ZNF536: variants seen among roughly 807,000 people sequenced by gnomAD.
ZNF536 encodes the protein zinc finger protein 536.
ZNF536 carries 13 observed loss-of-function variants against 84.5 expected under a neutral mutation model. That is an observed-to-expected ratio of 0.15 (90% CI 0.10 to 0.24). The LOEUF (loss-of-function observed/expected upper bound fraction) is 0.24. Among genes scored for constraint, ZNF536 ranks in the 10% least tolerant of loss-of-function variants. The pLI is 1.00. For synonymous variants in ZNF536, 811 were observed against 742.5 expected (o/e 1.09, Z -1.50); for missense variants, 1,536 against 1,747.5 (o/e 0.88, Z 2.16).
At chr19:30,655,235 T>G (rs976125524) in intron 1 of ZNF536, among the ~76,000 whole-genome samples, 11 of 151,296 alleles carry the variant, frequency 7.3e-5, no homozygotes, top group Non-Finnish European at 1.3e-4. Context: ...TTGTAGAGTA[T>G]TGCAATGACA....
chr19:30,555,438 T>G (rs760726061), intron 4 of ZNF536: 2 of 152,216 alleles, frequency 1.3e-5, no homozygotes, highest in Non-Finnish European at 1.5e-5. Context: ...ACTTCTGCCG[T>G]GATGCATGGT....
At chr19:30,610,193 A>G (rs1432399865) in intron 1 of ZNF536, among the ~76,000 whole-genome samples, 1 of 152,150 alleles carries the variant, frequency 6.6e-6, no homozygotes, top group Non-Finnish European at 1.5e-5. Context: ...CTTACAACAC[A>G]TTTTCTCATT....
intron 3 of ZNF536, among the ~76,000 whole-genome samples, chr19:30,358,667 G>C (rs1262606574): frequency 6.6e-6 from 1 of 152,216 alleles, no homozygotes; most frequent in South Asian, 2.1e-4. Flanking sequence ...CAAGACCCAA[G>C]GTCTGTCCAA....
At chr19:30,526,500 G>A (rs374260097) in intron 2 of ZNF536, among the ~76,000 whole-genome samples, 4,811 of 126,048 alleles carry the variant, frequency 0.038, 493 homozygotes, top group South Asian at 0.13. Context: ...CGAGGCGGGC[G>A]GATCACGAGG....
At chr19:30,606,116 T>C (rs1272767651) in intron 1 of ZNF536, among the ~76,000 whole-genome samples, 1 of 148,934 alleles carries the variant, frequency 6.7e-6, no homozygotes, top group Non-Finnish European at 1.5e-5. Context: ...ATTGTGCCAC[T>C]GCACTCCAGG....
At chr19:30,435,964 G>A (rs568222287) in intron 1 of ZNF536, among the ~76,000 whole-genome samples, 95 of 152,188 alleles carry the variant, frequency 6.2e-4, no homozygotes, top group African/African-American at 2.1e-3. Flanking sequence ...AAATGGTCAC[G>A]TCTTTGAGAA....
chr19:30,386,244 A>T (rs12462707), intron 1 of ZNF536, among the ~76,000 whole-genome samples: 74,925 of 152,034 alleles, frequency 0.49, 21,424 homozygotes, highest in Non-Finnish European at 0.63. Flanking sequence ...CTCACTACAG[A>T]AGCCAATTCT....
At chr19:30,699,946 C>T (rs2051828860) in intron 1 of ZNF536, among the ~76,000 whole-genome samples, 3 of 152,208 alleles carry the variant, frequency 2.0e-5, no homozygotes, top group African/African-American at 7.2e-5. Flanking sequence ...CTCTGGGGAG[C>T]TGAATTTCTT....
chr19:30,671,049 TTCACTCAA>T (rs138260934), intron 1 of ZNF536, among the ~76,000 whole-genome samples: 2,568 of 152,248 alleles, frequency 0.017, 28 homozygotes, highest in Middle Eastern at 0.041. Context: ...CATTTTCCCG[TTCACTCAA>T]TGCACGCACG....
chr19:30,689,095 C>T (rs980207785), intron 1 of ZNF536, among the ~76,000 whole-genome samples: 1 of 152,224 alleles, frequency 6.6e-6, no homozygotes, highest in Non-Finnish European at 1.5e-5. Flanking sequence ...AGCCTGAGCC[C>T]CTTTCACAGA....
chr19:30,475,769 C>T (rs527945107), intron 2 of ZNF536, among the ~76,000 whole-genome samples: 5 of 152,310 alleles, frequency 3.3e-5, no homozygotes, highest in African/African-American at 1.2e-4. Context: ...TGTACTGGCT[C>T]TGCTGTGCTT....
chr19:30,444,921 T>C lies in ZNF536; in HGVS notation c.1359T>C (p.Tyr453=), dbSNP rs1311452433. 2 of 1,611,156 alleles carry C rather than the reference T, an allele frequency of 1.2e-6. No individual in the cohort carries two copies. The highest frequency in any genetic ancestry group is 1.1e-5 in the South Asian group (1 of 90,822). ...KAGLSEPSQL[Y]GKGELPMKEK... ...GCCTGAGCGAGCCCAGCCAGCTCTA[T>C]GGCAAGGGCGAGCTGCCCATGAAGG... The change falls in exon 2 of 5, where the codon TAT becomes TAC. Residue 453 remains tyrosine, a synonymous_variant. Transcript: ENST00000355537.
At chr19:30,433,368 T>C (rs1444346030) in intron 1 of ZNF536, among the ~76,000 whole-genome samples, 1 of 152,204 alleles carries the variant, frequency 6.6e-6, no homozygotes, top group African/African-American at 2.4e-5. Context: ...AAGGGTCTGG[T>C]CTTGCTTATA....
chr19:30,279,584 G>A (rs919545058), intron 1 of ZNF536, among the ~76,000 whole-genome samples: 1 of 152,206 alleles, frequency 6.6e-6, no homozygotes, highest in African/African-American at 2.4e-5. Context: ...GTTGCTAGTG[G>A]AACTTGAGAA....
intron 2 of ZNF536, among the ~76,000 whole-genome samples, chr19:30,478,298 G>A (rs1051927286): frequency 4.6e-5 from 7 of 152,088 alleles, no homozygotes; most frequent in African/African-American, 1.7e-4. Flanking sequence ...AGGTTGGGAG[G>A]GTCTTACGAT....
At position 30,549,051 on chromosome 19, in the gene ZNF536, T is replaced by C; in HGVS notation, c.3432T>C (p.Asp1144=). Residue 1144 remains aspartate, a synonymous_variant, in exon 4 of 5, where the codon GAT becomes GAC. Coordinates refer to ENST00000355537, the MANE Select transcript of ZNF536 (RefSeq NM_014717.3). ...EPDGKAHSEE[D]VPILIPETTS... ...ATGGAAAGGCCCACTCTGAAGAGGA[T>C]GTCCCCATCCTGATCCCCGAAACCA... 6.2e-7 allele frequency: 1 copy of C among 1,614,178 alleles called. No individual in the cohort carries two copies. The highest frequency in any genetic ancestry group is 8.5e-7 in the Non-Finnish European group (1 of 1,180,028).
intron 2 of ZNF536, among the ~76,000 whole-genome samples, chr19:30,473,682 T>C (rs1177127715): frequency 6.6e-6 from 1 of 152,214 alleles, no homozygotes; most frequent in Non-Finnish European, 1.5e-5. Flanking sequence ...CTGAAGTTAT[T>C]ACTCACCTAC....
chr19:30,398,997 C>G (rs753994961), intron 1 of ZNF536, among the ~76,000 whole-genome samples: 1 of 152,222 alleles, frequency 6.6e-6, no homozygotes, highest in East Asian at 1.9e-4. Flanking sequence ...GCCACACTGT[C>G]TTCCACAATG....
At chr19:30,298,868 C>T (rs1339826356) in intron 2 of ZNF536, among the ~76,000 whole-genome samples, 1 of 152,200 alleles carries the variant, frequency 6.6e-6, no homozygotes. Context: ...GACTTTGGGT[C>T]AAACATTTTT....
Sources: gnomAD v4.1 joint callset for allele counts (sites outside exome capture counted in the v4.1 genomes callset) on GRCh38, gnomAD v4.1.1 for gene constraint, MANE v1.5 for transcripts, NCBI Gene and HGNC (gene_info 2026-07-23, HGNC 2026-07-21) for gene names.